COL25A1: variants seen among roughly 807,000 people sequenced by gnomAD.
COL25A1 encodes the protein collagen type XXV alpha 1 chain.
A neutral mutation model predicts 128.4 loss-of-function variants in COL25A1; 103 were observed. The observed-to-expected ratio is 0.80, with a 90% CI of 0.68 to 0.94. The LOEUF (loss-of-function observed/expected upper bound fraction) is 0.94, where lower values mean the gene tolerates loss of function less well. COL25A1 is among the 40% of genes least tolerant of loss of function. The pLI is 0.00. For synonymous variants in COL25A1, 279 were observed against 277.2 expected (o/e 1.01, Z -0.06); for missense variants, 745 against 840.0 (o/e 0.89, Z 1.40).
At chr4:109,153,593 C>A (rs370012005) in intron 3 of COL25A1, among the ~76,000 whole-genome samples, 256 of 152,150 alleles carry the variant, frequency 1.7e-3, no homozygotes, top group African/African-American at 5.9e-3. Context: ...TTAGTGTCAC[C>A]AACAACAACA....
At chr4:109,255,104 G>C (rs1319020404) in intron 3 of COL25A1, among the ~76,000 whole-genome samples, 1 of 152,096 alleles carries the variant, frequency 6.6e-6, no homozygotes, top group Non-Finnish European at 1.5e-5. Context: ...ATTCCGTTTG[G>C]GTGGGAAAAT....
intron 3 of COL25A1, among the ~76,000 whole-genome samples, chr4:109,118,060 C>T (rs1405151442): frequency 6.6e-6 from 1 of 151,510 alleles, no homozygotes; most frequent in Non-Finnish European, 1.5e-5. Context: ...AAAAACAGTA[C>T]CAAATATGGT....
rs151301088 is a variant in COL25A1, at chr4:109,028,283, T to C, written c.421-17908A>G. Among the ~76,000 whole-genome samples the C allele has an allele frequency of 2.0e-5, 3 of 152,224 alleles. No homozygotes were observed. The East Asian group carries it at 5.8e-4, about 30-fold the overall frequency. ...ACCACCACACTCAGCTAATTTTCTATTTTTTTGTAGAGACAGGTTCTTGCT... is the reference window on the plus strand; with the variant it reads ...ACCACCACACTCAGCTAATTTTCTACTTTTTTGTAGAGACAGGTTCTTGCT... On this transcript the variant is annotated intron_variant, in intron 5 of 37. Transcript: ENST00000399132.
intron 20 of COL25A1, among the ~76,000 whole-genome samples, chr4:108,865,293 T>C (rs766601823): frequency 6.6e-6 from 1 of 152,224 alleles, no homozygotes; most frequent in African/African-American, 2.4e-5. Flanking sequence ...GTGGGTCATG[T>C]AGGGCTTGAA....
intron 3 of COL25A1, among the ~76,000 whole-genome samples, chr4:109,077,783 C>T (rs184411544): frequency 2.8e-4 from 43 of 152,228 alleles, no homozygotes; most frequent in African/African-American, 6.5e-4. Context: ...GATCAAGTGC[C>T]GAAGGATAAG....
At chr4:109,124,475 T>G (rs1241551130) in intron 3 of COL25A1, among the ~76,000 whole-genome samples, 7 of 152,134 alleles carry the variant, frequency 4.6e-5, no homozygotes, top group Non-Finnish European at 1.0e-4. Flanking sequence ...TTAATTTTAT[T>G]TTTCTAGTCT....
chr4:108,813,636 C>T lies in COL25A1; in HGVS notation c.*291G>A, dbSNP rs191766098. ...TAGCAAGCCAAAAGAAGGAAAATAG[C>T]TAGTACAATCAATCATTCTCTACCA... On this transcript the variant is annotated 3_prime_UTR_variant, in exon 38 of 38. Coordinates refer to ENST00000399132, the MANE Select transcript of COL25A1 (RefSeq NM_198721.4). 1 of 327,284 alleles carries T rather than the reference C, an allele frequency of 3.1e-6. No individual in the cohort carries two copies. Among genetic ancestry groups the T allele is most frequent in the Admixed American group, 4.5e-5 (1 of 22,016 alleles). 20.3% of individuals were successfully genotyped at this position (327,284 alleles called of 1,614,324 possible).
intron 6 of COL25A1, among the ~76,000 whole-genome samples, chr4:108,993,026 C>T (rs1007957977): frequency 3.1e-4 from 47 of 152,296 alleles, no homozygotes; most frequent in African/African-American, 1.1e-3. Context: ...ACATGGTTAT[C>T]ATGTTGTGGT....
At chr4:109,111,161 G>A (rs568667445) in intron 3 of COL25A1, among the ~76,000 whole-genome samples, 1 of 152,290 alleles carries the variant, frequency 6.6e-6, no homozygotes, top group African/African-American at 2.4e-5. Context: ...GATGTACTAT[G>A]TGGTGTTTTC....
At position 108,990,212 on chromosome 4, in the gene COL25A1, CAAAAAAAAAAAAAAAA is replaced by C. The variant is rs1171265414; in HGVS notation, c.439-15669_439-15654del. On this transcript the variant is annotated intron_variant, in intron 6 of 37. Coordinates refer to ENST00000399132, the MANE Select transcript of COL25A1 (RefSeq NM_198721.4). Reference sequence around the variant, plus strand: ...GGGCAACAAGAGCAAAACTCCATCTCAAAAAAAAAAAAAAAAAAAAAAAAAAAATATATATATATAT... The same window carrying C: ...GGGCAACAAGAGCAAAACTCCATCTCAAAAAAAAAAAATATATATATATAT... Among the ~76,000 whole-genome samples, 54 of 39,746 alleles carry C rather than the reference CAAAAAAAAAAAAAAAA, an allele frequency of 1.4e-3. No individual in the cohort carries two copies. In the Admixed American group the frequency reaches 0.015, roughly 11 times the overall value. The allele number at this position is 39,746 out of a possible 152,430, so 26.1% of individuals were successfully genotyped here. A position where few individuals can be genotyped will look rare whatever the true frequency, so the allele number is the denominator to read the frequency against.
chr4:108,906,439 C>G (rs1014233342), intron 13 of COL25A1, among the ~76,000 whole-genome samples: 1 of 152,180 alleles, frequency 6.6e-6, no homozygotes, highest in African/African-American at 2.4e-5. Context: ...AACCACACCA[C>G]CACTCCCTAT....
Position 108,859,726 on chromosome 4 carries a change from G to T in COL25A1, c.1250C>A (p.Pro417His). 1 of 1,613,690 alleles carries T rather than the reference G, an allele frequency of 6.2e-7. No homozygotes were observed. The highest frequency in any genetic ancestry group is 8.5e-7 in the Non-Finnish European group (1 of 1,179,806). ...DSGAQGPRGP[P>H]GQKGDQGATE... is the part of the protein sequence containing the mutation. ...GGCTCCTTGATCCCCTTTTTGACCA[G>T]GTGGACCCTATGACAAAACCAATCA... is the stretch of plus-strand genomic sequence containing the variant. The change falls in exon 24 of 38, where the codon CCT (proline) becomes CAT (histidine). Residue 417 changes from proline (P) to histidine (H), a missense_variant. Around this residue, in one of 3 missense-constraint regions of COL25A1, gnomAD observed 387 missense variants for 441.9 expected, o/e 0.88. Transcript: ENST00000399132.
At chr4:108,884,075 C>G (rs1740461827) in intron 19 of COL25A1, 103 bp downstream of exon 19, 3 of 1,138,730 alleles carry the variant, frequency 2.6e-6, no homozygotes, top group Non-Finnish European at 3.9e-6. Context: ...ACTTAGAGAA[C>G]AGCATTCTAT....
chr4:109,174,338 C>G (rs1359921880), intron 3 of COL25A1, among the ~76,000 whole-genome samples: 3 of 152,156 alleles, frequency 2.0e-5, no homozygotes, highest in Non-Finnish European at 4.4e-5. Context: ...CCCATTCTGT[C>G]CTGACAGATA....
chr4:109,096,698 A>G (rs1045071594), intron 3 of COL25A1, among the ~76,000 whole-genome samples: 1 of 152,258 alleles, frequency 6.6e-6, no homozygotes, highest in Admixed American at 6.5e-5. Flanking sequence ...GTGTTAGCTT[A>G]ATAGAAACTT....
At chr4:109,248,618 C>T (rs1780441157) in intron 3 of COL25A1, among the ~76,000 whole-genome samples, 1 of 152,174 alleles carries the variant, frequency 6.6e-6, no homozygotes, top group African/African-American at 2.4e-5. Context: ...CCATGCCATG[C>T]AGTAAAGCCA....
chr4:109,230,280 C>T (rs1328481058), intron 3 of COL25A1, among the ~76,000 whole-genome samples: 1 of 152,278 alleles, frequency 6.6e-6, no homozygotes, highest in East Asian at 1.9e-4. Flanking sequence ...TATACTCTCA[C>T]CATCATGGTC....
chr4:108,926,776 T>A lies in COL25A1; in HGVS notation c.709-6172A>T, dbSNP rs140925574. On this transcript the variant is annotated intron_variant, in intron 11 of 37. Coordinates refer to ENST00000399132, the MANE Select transcript of COL25A1 (RefSeq NM_198721.4). ...TGCCATGTTCTGCTTGGATGTTTGATGTGGGAAGGTTAAGAAACATAAACT... is the reference window on the plus strand; with the variant it reads ...TGCCATGTTCTGCTTGGATGTTTGAAGTGGGAAGGTTAAGAAACATAAACT... Among the ~76,000 whole-genome samples the A allele has an allele frequency of 2.0e-5, 3 of 152,014 alleles. No homozygotes were observed. In the East Asian group the frequency reaches 5.9e-4, roughly 30 times the overall value.
intron 3 of COL25A1, among the ~76,000 whole-genome samples, chr4:109,268,220 G>A (rs779182070): frequency 6.6e-6 from 1 of 152,194 alleles, no homozygotes; most frequent in Non-Finnish European, 1.5e-5. Context: ...GGCGACTGAA[G>A]AATGTCTGCA....
Sources: gnomAD v4.1 joint callset for allele counts (sites outside exome capture counted in the v4.1 genomes callset) on GRCh38, gnomAD v4.1.1 for gene constraint, gnomAD v4.1.1 regional missense constraint, MANE v1.5 for transcripts, NCBI Gene and HGNC (gene_info 2026-07-23, HGNC 2026-07-21) for gene names.